DGKG: variants seen among roughly 807,000 people sequenced by gnomAD.
DGKG encodes DAG kinase gamma.
In DGKG, 78 loss-of-function variants were observed where a neutral mutation model predicts 105.3. The ratio of observed to expected loss-of-function variants is 0.74; its 90% CI spans 0.62 to 0.89. The LOEUF is 0.89. Ranked by LOEUF, DGKG falls within the 40% of genes least tolerant of loss-of-function variation. The pLI is 0.00. For missense variants in DGKG, 958 were observed against 1,020.1 expected, an observed-to-expected ratio of 0.94 and a Z score of 0.83; for synonymous variants, 346 against 367.1, an observed-to-expected ratio of 0.94 and a Z score of 0.66.
At chr3:186,242,635 G>GT in intron 19 of DGKG, 67 bp from the exon 20 acceptor site, 1 of 1,378,516 alleles carries the variant, frequency 7.3e-7, no homozygotes, top group South Asian at 1.3e-5. Context: ...GGAGGGAAGG[G>GT]ACGCACGCAT....
intron 1 of DGKG, among the ~76,000 whole-genome samples, chr3:186,357,430 T>C (rs913967850): frequency 6.6e-6 from 1 of 151,398 alleles, no homozygotes; most frequent in Admixed American, 6.6e-5. Context: ...AAAGAGAAGA[T>C]AAATAAAGAG....
At chr3:186,209,246 G>A (rs1386405528) in intron 21 of DGKG, among the ~76,000 whole-genome samples, 1 of 151,540 alleles carries the variant, frequency 6.6e-6, no homozygotes, top group East Asian at 1.9e-4. Context: ...GACTACAGGC[G>A]CCCACCACCC....
chr3:186,195,361 T>TGGCGTGAACCCGGGAGGCGG (rs1718130868), intron 21 of DGKG, among the ~76,000 whole-genome samples: 1 of 152,220 alleles, frequency 6.6e-6, no homozygotes, highest in Admixed American at 6.5e-5. Context: ...AATTCTTTAA[T>TGGCGTGAACCCGGGAGGCGG]AAGTATCCAG....
chr3:186,352,620 C>T (rs1195257123), intron 1 of DGKG, among the ~76,000 whole-genome samples: 2 of 152,236 alleles, frequency 1.3e-5, no homozygotes, highest in African/African-American at 2.4e-5. Flanking sequence ...AAACCACTAT[C>T]TTCCCAGGTG....
intron 16 of DGKG, among the ~76,000 whole-genome samples, chr3:186,259,862 C>A (rs990703889): frequency 6.6e-6 from 1 of 152,198 alleles, no homozygotes; most frequent in South Asian, 2.1e-4. Context: ...CTCTTTACAA[C>A]CCCATGCTAA....
chr3:186,228,245 C>T (rs1245358760), intron 20 of DGKG, among the ~76,000 whole-genome samples: 1 of 152,164 alleles, frequency 6.6e-6, no homozygotes, highest in African/African-American at 2.4e-5. Flanking sequence ...TGTACTGACT[C>T]CTCCAGGGCA....
chr3:186,264,670 C>CTT (rs533800193), intron 14 of DGKG, among the ~76,000 whole-genome samples: 45 of 152,316 alleles, frequency 3.0e-4, no homozygotes, highest in African/African-American at 9.9e-4. Context: ...GCGGAGGAAA[C>CTT]TTAAGGCTCA....
At chr3:186,282,075 A>G (rs1722854291) in intron 7 of DGKG, among the ~76,000 whole-genome samples, 1 of 152,182 alleles carries the variant, frequency 6.6e-6, no homozygotes, top group Non-Finnish European at 1.5e-5. Flanking sequence ...GCACCTTCAA[A>G]TACTCGAAGG....
chr3:186,152,648 T>G (rs1715816976), intron 24 of DGKG, among the ~76,000 whole-genome samples: 1 of 152,140 alleles, frequency 6.6e-6, no homozygotes, highest in African/African-American at 2.4e-5. Context: ...CATTTCCCGC[T>G]GGTAGAGCCC....
At chr3:186,218,502 GA>G (rs10692822) in intron 20 of DGKG, among the ~76,000 whole-genome samples, 9 of 70,384 alleles carry the variant, frequency 1.3e-4, no homozygotes, top group African/African-American at 4.3e-4. Context: ...GACTCCGTCT[GA>G]AAAAAAAAAA....
At chr3:186,267,602 A>G in intron 13 of DGKG, 83 bp downstream of exon 13, 1 of 1,011,758 alleles carries the variant, frequency 9.9e-7, no homozygotes, top group South Asian at 1.3e-5. Context: ...AGCCCTGGGA[A>G]GGATGTGAAT....
rs1727253550 is a variant in DGKG at position 186,361,987 on chromosome 3, CCTT to C, written c.-293_-291del. On this transcript the variant is annotated 5_prime_UTR_variant, in exon 1 of 25. Transcript: ENST00000265022. The surrounding 1 kb of genome is among the most constrained non-coding windows in gnomAD (Gnocchi z 6.8). ...TGGTTGCGCGGTGGCCCGGGGCGCT[CCTT>C]CTTCGCGGTTTATTCCCTTACTTGG... The C allele has an allele frequency of 6.6e-6, 1 of 152,406 alleles. No individual in the cohort carries two copies. The highest frequency in any genetic ancestry group is 1.5e-5 in the Non-Finnish European group (1 of 68,108). The allele number at this position is 152,406 out of a possible 1,614,324, so 9.4% of individuals were successfully genotyped here.
intron 13 of DGKG, chr3:186,267,484 C>T (rs576633412): frequency 1.2e-4 from 63 of 538,494 alleles, no homozygotes; most frequent in African/African-American, 1.1e-3. Context: ...AACAAACTCC[C>T]GCAAGACGTG....
intron 1 of DGKG, among the ~76,000 whole-genome samples, chr3:186,360,970 C>T (rs1727199254): frequency 6.6e-6 from 1 of 152,218 alleles, no homozygotes; most frequent in African/African-American, 2.4e-5. Context: ...CGGGAGAGCG[C>T]GCCCACGGGT....
chr3:186,280,756 C>T lies in DGKG; in HGVS notation c.595-12G>A. The T allele has an allele frequency of 6.2e-7, 1 of 1,610,310 alleles. No individual in the cohort carries two copies. Among genetic ancestry groups the T allele is most frequent in the Non-Finnish European group, 8.5e-7 (1 of 1,176,696 alleles). On this transcript the variant is annotated splice_polypyrimidine_tract_variant and intron_variant, in intron 7 of 24. Coordinates refer to ENST00000265022, the MANE Select transcript of DGKG (RefSeq NM_001346.3). ...ATGCAATCCATCTCCTAGAAAATAG[C>T]AAAGGGAGAAAATATCAAAAGGAGA... is the stretch of plus-strand genomic sequence containing the variant.
At position 186,156,162 on chromosome 3, in the gene DGKG, C is replaced by T. The variant is rs561968721; in HGVS notation, c.2277+5441G>A. On this transcript the variant is annotated intron_variant, in intron 24 of 24. Transcript: ENST00000265022. Reference sequence around the variant, plus strand: ...AAATTGGTTAACAGTCAAATATGTCCCTTTTTCCTTAGAAAATCCCTGCCC... The same window carrying T: ...AAATTGGTTAACAGTCAAATATGTCTCTTTTTCCTTAGAAAATCCCTGCCC... Among the ~76,000 whole-genome samples, 7 of 152,154 alleles carry T rather than the reference C, an allele frequency of 4.6e-5. No individual in the cohort carries two copies. In the South Asian group the frequency reaches 1.5e-3, roughly 32 times the overall value.
chr3:186,338,028 G>A (rs1239372072), intron 1 of DGKG, among the ~76,000 whole-genome samples: 1 of 151,876 alleles, frequency 6.6e-6, no homozygotes, highest in Non-Finnish European at 1.5e-5. Flanking sequence ...AAATGAGCTG[G>A]GTGTGATGGT....
intron 16 of DGKG, 61 bp downstream of exon 16, chr3:186,260,378 T>A (rs1721707526): frequency 8.2e-7 from 1 of 1,213,494 alleles, no homozygotes; most frequent in Non-Finnish European, 1.2e-6. Context: ...AAAAGAGGCA[T>A]CTTCATTGGA....
chr3:186,280,139 C>T (rs547695070), intron 8 of DGKG, among the ~76,000 whole-genome samples, 166 bp from the exon 9 acceptor site: 128 of 152,332 alleles, frequency 8.4e-4, no homozygotes, highest in African/African-American at 3.0e-3. Flanking sequence ...GGCCAGGCTT[C>T]CAGGTCTGGC....
Sources: allele counts gnomAD v4.1 joint callset (sites outside exome capture counted in the v4.1 genomes callset), GRCh38; gene constraint gnomAD v4.1.1; non-coding constraint Gnocchi (gnomAD v3.1); transcripts MANE v1.5; gene names NCBI Gene and HGNC (gene_info 2026-07-23, HGNC 2026-07-21).